MXRA5: variants seen among roughly 807,000 people sequenced by gnomAD.
The protein encoded by MXRA5 is matrix-remodeling-associated protein 5.
Under a neutral mutation model 112.5 loss-of-function variants are expected in MXRA5, and 41 were observed. The ratio of observed to expected loss-of-function variants is 0.36; its 90% confidence interval spans 0.28 to 0.47. The LOEUF (loss-of-function observed/expected upper bound fraction) is 0.47, where lower values mean the gene tolerates loss of function less well. Among genes scored for constraint, MXRA5 ranks in the 20% least tolerant of loss-of-function variants. The pLI is 0.99. For missense variants in MXRA5, 2,150 were observed against 2,251.0 expected (o/e 0.96, Z 0.91); for synonymous variants, 862 against 900.8 (o/e 0.96, Z 0.77).
At position 3,322,618 on chromosome X, in the gene MXRA5, T is replaced by G. The variant is rs373344927; in HGVS notation, c.3067A>C (p.Ile1023Leu). 6.0e-5 allele frequency: 73 copies of G among 1,209,985 alleles called. No individual in the cohort carries two copies. The Middle Eastern group carries it at 6.9e-4, about 11-fold the overall frequency. ...STSQLFEDST[I>L]GEPGVPGQSH... Reference sequence around the variant, plus strand: ...TGGCCTGGGACACCTGGTTCCCCTATAGTAGAATCCTCAAATAACTGTGAT... The same window carrying G: ...TGGCCTGGGACACCTGGTTCCCCTAGAGTAGAATCCTCAAATAACTGTGAT... The change falls in exon 5 of 7, where the codon ATA (isoleucine) becomes CTA (leucine). Residue 1023 changes from isoleucine to leucine, a missense_variant. Physicochemically the swap from Ile to Leu is conservative, Grantham distance 5 (BLOSUM62 2). This residue lies in a region of MXRA5 where 1,485 missense variants were observed against 1,471.6 expected (regional missense o/e 1.01). Transcript: ENST00000217939.
At position 3,309,651 on chromosome X, in the gene MXRA5, C is replaced by T; in HGVS notation, c.*65G>A. 9.9e-7 allele frequency: 1 copy of T among 1,009,256 alleles called. No homozygotes were observed. Among genetic ancestry groups the T allele is most frequent in the Non-Finnish European group, 1.4e-6 (1 of 736,226 alleles). The allele number at this position is 1,009,256 out of a possible 1,213,427, so 83.2% of individuals were successfully genotyped here. ...TTATTTAAGAGCTCCTATTCCCCAA[C>T]CTGGCTTCCCTTACAAACCCCGCTT... On this transcript the variant is annotated 3_prime_UTR_variant, in exon 7 of 7. Transcript: ENST00000217939.
rs950119353 is a variant in MXRA5, at chrX:3,314,894, A to AGAT, written c.6578+2206_6578+2208dup. ...CAGGTAGGTAGGCAGATAGATAGAT[A>AGAT]GATAGATAGATAGATAGATAGATAG... On this transcript the variant is annotated intron_variant, in intron 6 of 6. Transcript: ENST00000217939. Among the ~76,000 whole-genome samples, 4 of 109,779 alleles carry AGAT rather than the reference A, an allele frequency of 3.6e-5. No individual in the cohort carries two copies. The Admixed American group carries it at 3.9e-4, about 11-fold the overall frequency.
At chrX:3,317,032 C>T in intron 6 of MXRA5, 71 bp downstream of exon 6, 1 of 1,032,416 alleles carries the variant, frequency 9.7e-7, no homozygotes, top group Non-Finnish European at 1.3e-6. Flanking sequence ...CATATTCATC[C>T]TGAAAAAGGA....
At chrX:3,314,665 A>G (rs2146915976) in intron 6 of MXRA5, among the ~76,000 whole-genome samples, 1 of 110,483 alleles carries the variant, frequency 9.1e-6, no homozygotes, top group South Asian at 4.0e-4. Context: ...TGGCTTCAGT[A>G]CTAGGGACAT....
Position 3,321,006 on chromosome X carries a change from G to T in MXRA5, c.4679C>A (p.Thr1560Lys). 6.6e-6 allele frequency: 8 copies of T among 1,212,081 alleles called. No individual in the cohort carries two copies. The highest frequency in any genetic ancestry group is 8.9e-6 in the Non-Finnish European group (8 of 895,596). The part of the protein sequence containing the change: ...QHMSGPNELS[T>K]PSSDQDAFNL... The stretch of plus-strand genomic sequence containing the variant: ...AAATGCATCCTGGTCGGAAGAGGGT[G>T]TTGATAATTCATTTGGCCCTGACAT... Residue 1560 changes from threonine (T) to lysine (K), a missense_variant, in exon 5 of 7, where the codon ACA becomes AAA. Physicochemically the swap from Thr to Lys is moderately conservative, Grantham distance 78 (BLOSUM62 -1). Around this residue, in one of 6 missense-constraint regions of MXRA5, gnomAD observed 1,485 missense variants for 1,471.6 expected, o/e 1.01. Transcript: ENST00000217939.
chrX:3,342,487 T>C (rs912132886), intron 2 of MXRA5, among the ~76,000 whole-genome samples: 1 of 112,397 alleles, frequency 8.9e-6, no homozygotes, highest in Non-Finnish European at 1.9e-5. Context: ...CTGGCTTATG[T>C]GTTACTATTC....
rs1306083451 is a variant in MXRA5, at chrX:3,308,882, C to T, written c.*834G>A. On this transcript the variant is annotated 3_prime_UTR_variant, in exon 7 of 7. Transcript: ENST00000217939. Reference sequence around the variant, plus strand: ...GGAAATCTAATATCGCAGCCTTCCCCACTGGAGGGTTCCTGGAGAAGGTAA... The same window carrying T: ...GGAAATCTAATATCGCAGCCTTCCCTACTGGAGGGTTCCTGGAGAAGGTAA... 9.0e-6 allele frequency: 1 copy of T among 111,731 alleles called. No homozygotes were observed. The highest frequency in any genetic ancestry group is 1.9e-5 in the Non-Finnish European group (1 of 53,215). 9.2% of individuals were successfully genotyped at this position (111,731 alleles called of 1,213,427 possible).
Position 3,323,560 on chromosome X carries a change from T to C in MXRA5, c.2125A>G (p.Asn709Asp), listed in dbSNP as rs148865636. 204 of 1,208,648 alleles carry C rather than the reference T, an allele frequency of 1.7e-4. No homozygotes were observed. In the African/African-American group the frequency reaches 3.3e-3, roughly 20 times the overall value. The change falls in exon 5 of 7, where the codon AAC (asparagine) becomes GAC (aspartate). Residue 709 changes from asparagine to aspartate, a missense_variant. Coordinates refer to ENST00000217939, the MANE Select transcript of MXRA5 (RefSeq NM_015419.4). ...GGATGCAGAAGTCTCCTTGAAGTGT[T>C]CTCTTCATCTCCCATGCCCGAGCCC... The part of the protein sequence containing the change: ...EGGSGMGDEE[N>D]TSRRLLHPKD...
At chrX:3,335,041 CAG>C (rs1309804805) in intron 2 of MXRA5, among the ~76,000 whole-genome samples, 1 of 111,670 alleles carries the variant, frequency 9.0e-6, no homozygotes, top group Non-Finnish European at 1.9e-5. Context: ...CAGCGTCGTT[CAG>C]AGTCTCCTCT....
intron 2 of MXRA5, among the ~76,000 whole-genome samples, chrX:3,331,964 G>A (rs1921673953): frequency 8.9e-6 from 1 of 111,855 alleles, no homozygotes; most frequent in Non-Finnish European, 1.9e-5. Flanking sequence ...TTACATAAAA[G>A]GAAATCAATT....
chrX:3,331,631 G>C lies in MXRA5; in HGVS notation c.189-858C>G, dbSNP rs1394539141. On this transcript the variant is annotated intron_variant, in intron 2 of 6. Transcript: ENST00000217939. ...CCATGGACAGGCTGCCATGTCTGAC[G>C]GATGATCAAAGTTACTCGTAGACAT... 2.7e-5 allele frequency among the ~76,000 whole-genome samples: 3 copies of C among 112,211 alleles called. No individual in the cohort carries two copies. The South Asian group carries it at 1.1e-3, about 42-fold the overall frequency.
chrX:3,328,520 C>T (rs941140443), intron 4 of MXRA5, among the ~76,000 whole-genome samples: 7 of 111,117 alleles, frequency 6.3e-5, no homozygotes, highest in Non-Finnish European at 1.9e-5. Context: ...AATGGGTGCA[C>T]ATCCTGTAAA....
In MXRA5 at chrX:3,320,083, C is replaced by T; in HGVS notation, c.5602G>A (p.Glu1868Lys). Reference protein sequence around the residue: ...KSPQTVSVTAETDTVFPCEAT... With the variant: ...KSPQTVSVTAKTDTVFPCEAT... Reference sequence around the variant, plus strand: ...TCACAGGGGAACACAGTGTCTGTCTCAGCGGTGACGGACACAGTCTGTGGG... The same window carrying T: ...TCACAGGGGAACACAGTGTCTGTCTTAGCGGTGACGGACACAGTCTGTGGG... The change falls in exon 5 of 7, where the codon GAG (glutamate) becomes AAG (lysine). Residue 1868 changes from glutamate to lysine, a missense_variant. Around this residue, in one of 6 missense-constraint regions of MXRA5, gnomAD observed 1,485 missense variants for 1,471.6 expected, o/e 1.01. Transcript: ENST00000217939. 1.7e-6 allele frequency: 2 copies of T among 1,211,463 alleles called. No individual in the cohort carries two copies. Among genetic ancestry groups the T allele is most frequent in the Non-Finnish European group, 2.2e-6 (2 of 895,471 alleles).
In MXRA5 at chrX:3,317,138, C is replaced by T. The variant is rs1273143879; in HGVS notation, c.6543G>A (p.Arg2181=). 12 of 1,189,279 alleles carry T rather than the reference C, an allele frequency of 1.0e-5. No homozygotes were observed. The highest frequency in any genetic ancestry group is 1.8e-5 in the African/African-American group (1 of 57,099). ...SGDPWPRILW[R]LPSKRMIDAL... is the part of the protein sequence containing the mutation. ...CGTCGATCATCCTCTTGGACGGCAG[C>T]CTCCAGAGGATGCGCGGCCAGGGGT... is the stretch of plus-strand genomic sequence containing the variant. The change falls in exon 6 of 7, where the codon AGG becomes AGA. Residue 2181 remains arginine (R), a synonymous_variant. Transcript: ENST00000217939.
intron 1 of MXRA5, 62 bp downstream of exon 1, chrX:3,346,453 C>A (rs1330626891): frequency 1.4e-6 from 1 of 704,010 alleles, no homozygotes; most frequent in Non-Finnish European, 1.7e-6. Context: ...GTCTCAAATC[C>A]CTTCACCCCC....
intron 1 of MXRA5, among the ~76,000 whole-genome samples, chrX:3,345,303 A>G (rs1922081067): frequency 4.4e-5 from 5 of 112,735 alleles, no homozygotes; most frequent in African/African-American, 1.3e-4. Flanking sequence ...GTTTTGCAAA[A>G]AAGCAAGTCC....
Position 3,321,958 on chromosome X carries a change from A to G in MXRA5, c.3727T>C (p.Tyr1243His). Residue 1243 changes from tyrosine (Y) to histidine (H), a missense_variant, in exon 5 of 7, where the codon TAT becomes CAT. Physicochemically the swap from Tyr to His is moderately conservative, Grantham distance 83 (BLOSUM62 2). This residue lies in a region of MXRA5 where 1,485 missense variants were observed against 1,471.6 expected (regional missense o/e 1.01). Coordinates refer to ENST00000217939, the MANE Select transcript of MXRA5 (RefSeq NM_015419.4). ...CTTGAGCTCACTGTAGAAGGGGTAT[A>G]TCGATGTTTGTTTGGCCTCTTCCCG... ...KHGKRPNKHR[Y>H]TPSTVSSRAS... 1.1e-5 allele frequency: 13 copies of G among 1,210,765 alleles called. No individual in the cohort carries two copies. Among genetic ancestry groups the G allele is most frequent in the Non-Finnish European group, 1.5e-5 (13 of 895,271 alleles).
chrX:3,326,382 T>C (rs1921509497), intron 4 of MXRA5, among the ~76,000 whole-genome samples: 1 of 100,542 alleles, frequency 9.9e-6, no homozygotes. Context: ...TAATTTGTAA[T>C]ATATAATTTA....
chrX:3,329,319 A>AGGAAGGAATGAAGGAAAAAAGAAG (rs756041142), intron 4 of MXRA5, among the ~76,000 whole-genome samples: 19 of 88,446 alleles, frequency 2.1e-4, no homozygotes, highest in Non-Finnish European at 4.0e-4. Flanking sequence ...GAAGGAAAAA[A>AGGAAGGAATGAAGGAAAAAAGAAG]GAAGGAAGGA....
Sources: allele counts gnomAD v4.1 joint callset (sites outside exome capture counted in the v4.1 genomes callset), GRCh38; gene constraint gnomAD v4.1.1; regional missense constraint gnomAD v4.1.1; transcripts MANE v1.5; gene names NCBI Gene and HGNC (gene_info 2026-07-23, HGNC 2026-07-21).